NSMAF: variants seen among roughly 807,000 people sequenced by gnomAD.
NSMAF encodes the protein protein FAN.
Under a neutral mutation model 134.9 loss-of-function variants are expected in NSMAF, and 90 were observed. The observed-to-expected ratio is 0.67, with a 90% confidence interval of 0.56 to 0.79. The LOEUF (loss-of-function observed/expected upper bound fraction) is 0.79, where lower values mean the gene tolerates loss of function less well. Among genes scored for constraint, NSMAF ranks in the 30% least tolerant of loss-of-function variants. NSMAF has a pLI of 0.00. For missense variants in NSMAF, 1,010 were observed against 1,119.0 expected (o/e 0.90, Z 1.39); for synonymous variants, 358 against 389.6 (o/e 0.92, Z 0.96).
intron 1 of NSMAF, among the ~76,000 whole-genome samples, chr8:58,646,533 T>C (rs1008539746): frequency 5.3e-5 from 8 of 152,226 alleles, no homozygotes; most frequent in Non-Finnish European, 1.0e-4. Context: ...GCAAGAAATG[T>C]AAAACACACA....
At chr8:58,615,374 C>T (rs577942212) in intron 9 of NSMAF, among the ~76,000 whole-genome samples, 124 of 152,168 alleles carry the variant, frequency 8.1e-4, no homozygotes, top group Non-Finnish European at 9.6e-4. Context: ...TCAACAGCTG[C>T]AGAGCTCACA....
intron 9 of NSMAF, among the ~76,000 whole-genome samples, chr8:58,610,577 G>A (rs1161114677): frequency 6.6e-6 from 1 of 152,124 alleles, no homozygotes; most frequent in East Asian, 1.9e-4. Context: ...AGCATGTAAA[G>A]CAACCTAAAT....
intron 1 of NSMAF, among the ~76,000 whole-genome samples, chr8:58,656,918 A>T (rs1357872159): frequency 6.6e-6 from 1 of 152,246 alleles, no homozygotes; most frequent in South Asian, 2.1e-4. Context: ...AAATTTTAGT[A>T]TAAGTACATA....
intron 9 of NSMAF, among the ~76,000 whole-genome samples, chr8:58,612,386 G>C (rs142982194): frequency 1.3e-5 from 2 of 152,226 alleles, no homozygotes; most frequent in East Asian, 1.9e-4. Context: ...CACTCCACAG[G>C]GACAGAAGCT....
intron 2 of NSMAF, 65 bp downstream of exon 2, chr8:58,642,919 T>C (rs1465496389): frequency 1.6e-6 from 2 of 1,213,632 alleles, no homozygotes; most frequent in Non-Finnish European, 2.4e-6. Context: ...GATCACACAT[T>C]TAACTTTAAA....
chr8:58,609,675 G>A lies in NSMAF; in HGVS notation c.616C>T (p.Leu206=), dbSNP rs770840576. ...CACACGTGTCCAGGATTAGTCACCA[G>A]AGGCGTCACCATTTCTGCTTTGCAT... The part of the protein sequence containing the change: ...MECKAEMVTP[L]VTNPGHVCIT... Residue 206 remains leucine (L), a synonymous_variant, in exon 10 of 31, where the codon CTG becomes TTG. Coordinates refer to ENST00000038176, the MANE Select transcript of NSMAF (RefSeq NM_003580.4). The A allele has an allele frequency of 1.7e-5, 27 of 1,614,032 alleles. 1 individual carries two copies. In the South Asian group the frequency reaches 3.0e-4, roughly 18 times the overall value.
intron 9 of NSMAF, among the ~76,000 whole-genome samples, chr8:58,618,743 C>G (rs1484958601): frequency 6.6e-6 from 1 of 152,078 alleles, no homozygotes; most frequent in African/African-American, 2.4e-5. Flanking sequence ...CAACTTGTGA[C>G]AGTTTAAAAT....
At chr8:58,645,838 C>G (rs369613389) in intron 1 of NSMAF, among the ~76,000 whole-genome samples, 1 of 151,988 alleles carries the variant, frequency 6.6e-6, no homozygotes, top group Admixed American at 6.6e-5. Flanking sequence ...GTCAGGAGTT[C>G]GAGACCAGCC....
chr8:58,649,460 A>G (rs563988279), intron 1 of NSMAF, among the ~76,000 whole-genome samples: 1 of 152,314 alleles, frequency 6.6e-6, no homozygotes, highest in East Asian at 1.9e-4. Flanking sequence ...GTATTTTCCA[A>G]TGTAAGAAGA....
chr8:58,637,864 TAG>T (rs1054499507), intron 2 of NSMAF, among the ~76,000 whole-genome samples: 1 of 152,090 alleles, frequency 6.6e-6, no homozygotes, highest in East Asian at 1.9e-4. Flanking sequence ...CACAAATAAA[TAG>T]AAAGATATCT....
At chr8:58,596,174 T>C (rs1047486331) in intron 21 of NSMAF, among the ~76,000 whole-genome samples, 2 of 152,280 alleles carry the variant, frequency 1.3e-5, no homozygotes, top group South Asian at 4.1e-4. Context: ...CTAAGCAGAG[T>C]GCAGTTTGAA....
chr8:58,595,935 T>C (rs138913786), intron 21 of NSMAF: 1 of 276,132 alleles, frequency 3.6e-6, no homozygotes, highest in East Asian at 7.7e-5. Flanking sequence ...CTTATGAATT[T>C]GGGGAAATAC....
chr8:58,615,253 C>T (rs999705439), intron 9 of NSMAF, among the ~76,000 whole-genome samples: 1 of 152,130 alleles, frequency 6.6e-6, no homozygotes, highest in African/African-American at 2.4e-5. Context: ...ATTTTAACAT[C>T]CTTCTCTCAG....
chr8:58,620,985 C>A (rs943281346), intron 9 of NSMAF, among the ~76,000 whole-genome samples: 4 of 152,006 alleles, frequency 2.6e-5, no homozygotes, highest in Non-Finnish European at 5.9e-5. Flanking sequence ...GGTACATATG[C>A]AGGTTTGTTA....
intron 10 of NSMAF, among the ~76,000 whole-genome samples, chr8:58,609,099 A>G (rs890652415): frequency 1.3e-5 from 2 of 152,204 alleles, no homozygotes; most frequent in African/African-American, 4.8e-5. Context: ...AGACGGCAGG[A>G]TCTCCACACA....
chr8:58,612,642 G>T (rs1206948490), intron 9 of NSMAF, among the ~76,000 whole-genome samples: 3 of 152,124 alleles, frequency 2.0e-5, no homozygotes, highest in Admixed American at 1.3e-4. Flanking sequence ...CGGAGGTGAG[G>T]GGGGCAGCCT....
At chr8:58,623,199 G>A (rs769973220) in intron 9 of NSMAF, 21 bp downstream of exon 9, 4 of 1,558,674 alleles carry the variant, frequency 2.6e-6, no homozygotes, top group Non-Finnish European at 3.5e-6. Context: ...TTCTAATTAG[G>A]AAAGATCATT....
intron 25 of NSMAF, 181 bp from the exon 26 acceptor site, chr8:58,589,756 T>G: frequency 1.4e-6 from 1 of 706,408 alleles, no homozygotes; most frequent in South Asian, 2.7e-5. Flanking sequence ...AAATTAGAAA[T>G]TTCCATGTCT....
intron 1 of NSMAF, chr8:58,659,340 C>G (rs1388931988): frequency 6.5e-7 from 1 of 1,527,300 alleles, no homozygotes; most frequent in Admixed American, 2.0e-5. Flanking sequence ...CTGGCCTGGC[C>G]CGTCATCCAG....
Sources: allele counts gnomAD v4.1 joint callset (sites outside exome capture counted in the v4.1 genomes callset), GRCh38; gene constraint gnomAD v4.1.1; transcripts MANE v1.5; gene names NCBI Gene and HGNC (gene_info 2026-07-23, HGNC 2026-07-21).